The following FAM184B variants were observed in gnomAD, a reference collection of about 807,000 sequenced individuals.
FAM184B encodes family with sequence similarity 184 member B.
In FAM184B, 111 loss-of-function variants were observed where a neutral mutation model predicts 135.9. The observed-to-expected ratio is 0.82, with a 90% confidence interval of 0.70 to 0.96. The LOEUF is 0.96. Ranked by LOEUF, FAM184B falls within the 40% of genes least tolerant of loss-of-function variation. The pLI, the probability that FAM184B is intolerant of heterozygous loss-of-function variation, is 0.00. For synonymous variants in FAM184B, 552 were observed against 524.8 expected (o/e 1.05, Z -0.71); for missense variants, 1,375 against 1,323.9 (o/e 1.04, Z -0.60).
intron 1 of FAM184B, among the ~76,000 whole-genome samples, chr4:17,770,736 G>T (rs749969744): frequency 2.9e-4 from 44 of 152,306 alleles, no homozygotes; most frequent in Admixed American, 5.2e-4. Flanking sequence ...AAAGTGCTGG[G>T]ATTACAGGCG....
intron 1 of FAM184B, among the ~76,000 whole-genome samples, chr4:17,733,332 G>T (rs1187919619): frequency 6.6e-6 from 1 of 152,156 alleles, no homozygotes; most frequent in Non-Finnish European, 1.5e-5. Flanking sequence ...GGAAGTTCTG[G>T]CCACGGTAAT....
intron 1 of FAM184B, among the ~76,000 whole-genome samples, chr4:17,755,290 C>A (rs182316282): frequency 2.0e-3 from 299 of 152,056 alleles, no homozygotes; most frequent in Non-Finnish European, 3.4e-3. Context: ...TTCATACAGC[C>A]AGCAAACATT....
At chr4:17,713,742 C>A (rs1023736619) in intron 1 of FAM184B, among the ~76,000 whole-genome samples, 1 of 152,160 alleles carries the variant, frequency 6.6e-6, no homozygotes, top group Non-Finnish European at 1.5e-5. Flanking sequence ...TGCATCTCAC[C>A]GTCTCACTCA....
At chr4:17,655,132 C>T (rs908581515) in intron 10 of FAM184B, among the ~76,000 whole-genome samples, 1 of 152,238 alleles carries the variant, frequency 6.6e-6, no homozygotes, top group African/African-American at 2.4e-5. Flanking sequence ...AGGCGTGAGC[C>T]ACCATGCCTG....
chr4:17,713,620 T>C (rs1717337905), intron 1 of FAM184B, among the ~76,000 whole-genome samples: 1 of 152,188 alleles, frequency 6.6e-6, no homozygotes. Context: ...ACCCTGCAAT[T>C]TGGTATTTTT....
intron 1 of FAM184B, among the ~76,000 whole-genome samples, chr4:17,729,418 A>G (rs1226657680): frequency 1.3e-5 from 2 of 152,232 alleles, no homozygotes; most frequent in Non-Finnish European, 2.9e-5. Flanking sequence ...CCCAGCATGC[A>G]GCTGGAGATC....
rs1053926243 is a variant in FAM184B at position 17,632,473 on chromosome 4, C to T, written c.*59G>A. 41 of 1,347,006 alleles carry T rather than the reference C, an allele frequency of 3.0e-5. No homozygotes were observed. Among genetic ancestry groups the T allele is most frequent in the South Asian group, 6.5e-5 (5 of 77,050 alleles). The allele number at this position is 1,347,006 out of a possible 1,614,324, so 83.4% of individuals were successfully genotyped here. ...GTTGGTGTTAGTTCATTCCTTCAATCGGATGATTTAAAATAAATGTTTTTC... is the reference window on the plus strand; with the variant it reads ...GTTGGTGTTAGTTCATTCCTTCAATTGGATGATTTAAAATAAATGTTTTTC... On this transcript the variant is annotated 3_prime_UTR_variant, in exon 18 of 18. Coordinates refer to ENST00000265018, the MANE Select transcript of FAM184B (RefSeq NM_015688.2).
chr4:17,654,511 A>G (rs998906158), intron 10 of FAM184B, among the ~76,000 whole-genome samples: 1 of 152,226 alleles, frequency 6.6e-6, no homozygotes, highest in African/African-American at 2.4e-5. Context: ...ATTTTTCAAC[A>G]GAGCAGGAAA....
intron 7 of FAM184B, among the ~76,000 whole-genome samples, chr4:17,677,558 G>A (rs1716341156): frequency 6.6e-6 from 1 of 152,026 alleles, no homozygotes; most frequent in South Asian, 2.1e-4. Flanking sequence ...AAAAGTCAAG[G>A]ACAGATGGAT....
intron 1 of FAM184B, among the ~76,000 whole-genome samples, chr4:17,754,582 GA>G (rs139324562): frequency 0.04 from 5,712 of 142,992 alleles, 373 homozygotes; most frequent in African/African-American, 0.14. Context: ...GTAAAAGAAA[GA>G]AAAAGAAACT....
At chr4:17,723,105 T>C (rs1717567229) in intron 1 of FAM184B, among the ~76,000 whole-genome samples, 2 of 152,184 alleles carry the variant, frequency 1.3e-5, no homozygotes, top group African/African-American at 2.4e-5. Context: ...ATATGAATGG[T>C]ATAACAATGT....
At chr4:17,721,097 A>AATCTC (rs1466213759) in intron 1 of FAM184B, among the ~76,000 whole-genome samples, 1 of 151,558 alleles carries the variant, frequency 6.6e-6, no homozygotes, top group African/African-American at 2.4e-5. Flanking sequence ...ATGAATAAAA[A>AATCTC]ATCTCGGCTG....
At chr4:17,651,425 C>G (rs1485798230) in intron 11 of FAM184B, among the ~76,000 whole-genome samples, 1 of 151,298 alleles carries the variant, frequency 6.6e-6, no homozygotes, top group East Asian at 1.9e-4. Flanking sequence ...GTAGTCCCAG[C>G]TACTCGGGAG....
intron 1 of FAM184B, among the ~76,000 whole-genome samples, chr4:17,757,618 A>C (rs755603995): frequency 6.6e-6 from 1 of 152,212 alleles, no homozygotes; most frequent in Non-Finnish European, 1.5e-5. Context: ...ATTCAGGTGT[A>C]GGGAATAGAT....
At chr4:17,638,338 A>C (rs1280959164) in intron 14 of FAM184B, among the ~76,000 whole-genome samples, 1 of 149,274 alleles carries the variant, frequency 6.7e-6, no homozygotes, top group African/African-American at 2.5e-5. Context: ...ATAGGCACAC[A>C]CCACCATGCC....
intron 5 of FAM184B, among the ~76,000 whole-genome samples, chr4:17,699,148 T>A (rs959251283): frequency 1.3e-5 from 2 of 151,902 alleles, no homozygotes; most frequent in Non-Finnish European, 2.9e-5. Context: ...TTTAAAAAGA[T>A]TAGATGGTAC....
intron 7 of FAM184B, among the ~76,000 whole-genome samples, chr4:17,667,169 AG>A (rs113109520): frequency 4.6e-5 from 7 of 151,970 alleles, no homozygotes; most frequent in African/African-American, 1.7e-4. Context: ...TATGTTGCCT[AG>A]GCTGGTCTCA....
chr4:17,691,044 T>C (rs1271611499), intron 6 of FAM184B, among the ~76,000 whole-genome samples: 1 of 152,160 alleles, frequency 6.6e-6, no homozygotes, highest in Non-Finnish European at 1.5e-5. Flanking sequence ...GGTCAACCTC[T>C]TGGTCATGAC....
intron 5 of FAM184B, among the ~76,000 whole-genome samples, chr4:17,699,366 A>G (rs1394997997): frequency 6.6e-6 from 1 of 152,098 alleles, no homozygotes; most frequent in Non-Finnish European, 1.5e-5. Context: ...CAATGAGCCT[A>G]TAACAAAAAC....
Sources: allele counts gnomAD v4.1 joint callset (sites outside exome capture counted in the v4.1 genomes callset), GRCh38; gene constraint gnomAD v4.1.1; transcripts MANE v1.5; gene names NCBI Gene and HGNC (gene_info 2026-07-23, HGNC 2026-07-21).